The following NTM variants were observed in gnomAD, a reference collection of about 807,000 sequenced individuals.
NTM encodes the protein neurotrimin.
A neutral mutation model predicts 42.1 loss-of-function variants in NTM; 13 were observed. The observed-to-expected ratio is 0.31, with a 90% confidence interval of 0.20 to 0.49. NTM has a LOEUF of 0.49. Ranked by LOEUF, NTM falls within the 20% of genes least tolerant of loss-of-function variation. The pLI is 0.99. For missense variants in NTM, 373 were observed against 452.8 expected, an observed-to-expected ratio of 0.82 and a Z score of 1.60; for synonymous variants, 187 against 179.2, an observed-to-expected ratio of 1.04 and a Z score of -0.35.
At chr11:131,698,433 A>C (rs2075716853) in intron 1 of NTM, among the ~76,000 whole-genome samples, 1 of 152,196 alleles carries the variant, frequency 6.6e-6, no homozygotes, top group Non-Finnish European at 1.5e-5. Context: ...CCCTTGTGCT[A>C]CATGCGTGCT....
chr11:131,631,540 A>G (rs2137779178), intron 1 of NTM, among the ~76,000 whole-genome samples: 1 of 152,372 alleles, frequency 6.6e-6, no homozygotes, highest in Admixed American at 6.5e-5. Flanking sequence ...TACAGACAGT[A>G]GCAATTGACT....
At chr11:132,216,371 G>T (rs548265638) in intron 4 of NTM, among the ~76,000 whole-genome samples, 2 of 152,308 alleles carry the variant, frequency 1.3e-5, no homozygotes, top group South Asian at 2.1e-4. Flanking sequence ...AGGTGAGGGA[G>T]TGAGTCTCAT....
chr11:131,767,109 A>C (rs985514112), intron 1 of NTM: 1 of 978,516 alleles, frequency 1.0e-6, no homozygotes, highest in African/African-American at 1.8e-5. Context: ...ACAAGGCAGT[A>C]AGTAAGTCTC....
chr11:131,850,410 G>C (rs1057386118), intron 1 of NTM, among the ~76,000 whole-genome samples: 3 of 152,136 alleles, frequency 2.0e-5, no homozygotes, highest in Non-Finnish European at 4.4e-5. Flanking sequence ...ATGATACAGT[G>C]CTAAGAAGTC....
At chr11:131,558,905 G>T (rs902841271) in intron 1 of NTM, among the ~76,000 whole-genome samples, 1 of 152,072 alleles carries the variant, frequency 6.6e-6, no homozygotes, top group Non-Finnish European at 1.5e-5. Flanking sequence ...TGTGACTCAC[G>T]CTGATCTCAG....
At chr11:131,620,040 T>C (rs1454051274) in intron 1 of NTM, among the ~76,000 whole-genome samples, 1 of 152,136 alleles carries the variant, frequency 6.6e-6, no homozygotes, top group Non-Finnish European at 1.5e-5. Context: ...CCTGACCTTA[T>C]GATCTGCCTG....
intron 4 of NTM, among the ~76,000 whole-genome samples, chr11:132,262,826 T>C (rs888980084): frequency 1.3e-5 from 2 of 152,200 alleles, no homozygotes; most frequent in Non-Finnish European, 2.9e-5. Flanking sequence ...CTTAACTCGC[T>C]CCAGAATGAA....
chr11:131,958,067 G>A (rs1318175075), intron 2 of NTM, among the ~76,000 whole-genome samples: 3 of 152,204 alleles, frequency 2.0e-5, no homozygotes, highest in Non-Finnish European at 4.4e-5. Context: ...AGAGCGCCTA[G>A]ATGCCGACAC....
chr11:131,728,582 C>T lies in NTM; in HGVS notation c.83-182982C>T, dbSNP rs955960133. Among the ~76,000 whole-genome samples the T allele has an allele frequency of 2.6e-5, 4 of 152,124 alleles. No homozygotes were observed. In the East Asian group the frequency reaches 5.8e-4, roughly 22 times the overall value. On this transcript the variant is annotated intron_variant, in intron 1 of 8. Coordinates refer to ENST00000683400, the MANE Select transcript of NTM (RefSeq NM_001352005.2). The stretch of plus-strand genomic sequence containing the variant: ...TACATAGGCATGGCTGATTAAAACC[C>T]ATTTATGCCAGTGTTCCATTATTGG...
chr11:131,770,451 C>A (rs1361812504), intron 1 of NTM, among the ~76,000 whole-genome samples: 2 of 152,228 alleles, frequency 1.3e-5, no homozygotes, highest in Non-Finnish European at 2.9e-5. Context: ...AAGTCTCAGG[C>A]TTCCAAGAGC....
chr11:131,832,117 G>A (rs1393242769), intron 1 of NTM, among the ~76,000 whole-genome samples: 2 of 150,340 alleles, frequency 1.3e-5, no homozygotes, highest in Non-Finnish European at 3.0e-5. Flanking sequence ...CTCCCAAATT[G>A]CCCTTCAAAA....
intron 1 of NTM, among the ~76,000 whole-genome samples, chr11:131,558,842 C>T (rs2055819686): frequency 6.6e-6 from 1 of 152,092 alleles, no homozygotes; most frequent in Admixed American, 6.5e-5. Context: ...AGGACTTGAG[C>T]CTGTAGGAGA....
intron 4 of NTM, among the ~76,000 whole-genome samples, chr11:132,249,722 C>T (rs1180132231): frequency 1.3e-5 from 2 of 152,226 alleles, no homozygotes; most frequent in Non-Finnish European, 2.9e-5. Flanking sequence ...TGTGATCTCT[C>T]ACCCTGATGT....
chr11:131,592,524 CAAAA>C (rs3040141), intron 1 of NTM, among the ~76,000 whole-genome samples: 4 of 129,952 alleles, frequency 3.1e-5, no homozygotes, highest in Admixed American at 7.6e-5. Flanking sequence ...ATAGGTCTTT[CAAAA>C]AAAAAAAAAA....
intron 1 of NTM, among the ~76,000 whole-genome samples, chr11:131,395,090 G>T (rs1274824431): frequency 6.6e-6 from 1 of 152,096 alleles, no homozygotes; most frequent in Non-Finnish European, 1.5e-5. Flanking sequence ...TGGGAGCCAG[G>T]CTGCCTTCAC....
chr11:132,169,320 CTTTTTTTTT>C (rs567723794), intron 3 of NTM, among the ~76,000 whole-genome samples: 55 of 32,372 alleles, frequency 1.7e-3, no homozygotes, highest in Admixed American at 2.6e-3. Context: ...AATTTTTTTA[CTTTTTTTTT>C]TTTTTTTTTT....
At chr11:131,392,665 T>A (rs973565279) in intron 1 of NTM, among the ~76,000 whole-genome samples, 1 of 152,116 alleles carries the variant, frequency 6.6e-6, no homozygotes, top group Non-Finnish European at 1.5e-5. Flanking sequence ...AGGAAGCACT[T>A]TCCCTGCTCT....
chr11:131,742,935 T>A lies in NTM; in HGVS notation c.83-168629T>A, dbSNP rs534575298. The stretch of plus-strand genomic sequence containing the variant: ...CTGAGGAGATAAGTGAAGGGGGGCC[T>A]CTTAAGGTTGACATGAGCGCCCAAT... On this transcript the variant is annotated intron_variant, in intron 1 of 8. Coordinates refer to ENST00000683400, the MANE Select transcript of NTM (RefSeq NM_001352005.2). Among the ~76,000 whole-genome samples the A allele has an allele frequency of 6.8e-4, 104 of 152,340 alleles. 2 individuals carry two copies. The highest frequency in any genetic ancestry group is 2.4e-3 in the African/African-American group (100 of 41,584).
chr11:131,945,897 A>G (rs551315245), intron 2 of NTM, among the ~76,000 whole-genome samples: 20 of 152,332 alleles, frequency 1.3e-4, no homozygotes, highest in Middle Eastern at 3.4e-3. Context: ...GCGATAAGCA[A>G]TCTTGTCTAT....
Sources: allele counts gnomAD v4.1 joint callset (sites outside exome capture counted in the v4.1 genomes callset), GRCh38; gene constraint gnomAD v4.1.1; transcripts MANE v1.5; gene names NCBI Gene and HGNC (gene_info 2026-07-23, HGNC 2026-07-21).